Variants in ABI1 observed in about 807,000 individuals in gnomAD.
ABI1 encodes Abelson interactor 1.
In ABI1, 14 loss-of-function variants were observed where a neutral mutation model predicts 54.6. The observed-to-expected ratio is 0.26, with a 90% CI of 0.17 to 0.40. The LOEUF (loss-of-function observed/expected upper bound fraction) is 0.40. Among genes scored for constraint, ABI1 ranks in the 10% least tolerant of loss-of-function variants. The pLI, the probability that ABI1 is intolerant of heterozygous loss-of-function variation, is 1.00. For synonymous variants in ABI1, 194 were observed against 209.3 expected (o/e 0.93, Z 0.63); for missense variants, 443 against 598.3 (o/e 0.74, Z 2.71).
At chr10:26,785,038 T>C (rs1331450662) in intron 2 of ABI1, among the ~76,000 whole-genome samples, 2 of 152,200 alleles carry the variant, frequency 1.3e-5, no homozygotes, top group Non-Finnish European at 2.9e-5. Context: ...GGGAGCATAA[T>C]TGAAGTCAAT....
chr10:26,804,827 A>G (rs2046782641), intron 2 of ABI1, among the ~76,000 whole-genome samples: 1 of 152,208 alleles, frequency 6.6e-6, no homozygotes, highest in Non-Finnish European at 1.5e-5. Context: ...TTCTTTCCAT[A>G]TCCTTATCAA....
intron 1 of ABI1, among the ~76,000 whole-genome samples, chr10:26,852,148 G>A (rs10829114): frequency 0.26 from 39,075 of 151,892 alleles, 5,723 homozygotes; most frequent in South Asian, 0.44. Context: ...AAAATAAAAT[G>A]GCACCCATGT....
chr10:26,818,285 T>G (rs1425720555), intron 2 of ABI1, among the ~76,000 whole-genome samples: 1 of 151,314 alleles, frequency 6.6e-6, no homozygotes, highest in African/African-American at 2.4e-5. Context: ...GGAATTAATT[T>G]CCTCATATTA....
At chr10:26,800,929 C>T (rs1200621850) in intron 2 of ABI1, among the ~76,000 whole-genome samples, 2 of 152,228 alleles carry the variant, frequency 1.3e-5, no homozygotes, top group African/African-American at 4.8e-5. Flanking sequence ...TCACTTGAAC[C>T]CAGGAGGCAG....
intron 1 of ABI1, among the ~76,000 whole-genome samples, chr10:26,843,468 A>C (rs2049699405): frequency 1.2e-5 from 1 of 84,682 alleles, no homozygotes; most frequent in Non-Finnish European, 2.3e-5. Context: ...AAAAAAAAAA[A>C]AAAAAAAAAA....
At chr10:26,829,698 G>A (rs985650567) in intron 1 of ABI1, among the ~76,000 whole-genome samples, 1 of 151,888 alleles carries the variant, frequency 6.6e-6, no homozygotes, top group Non-Finnish European at 1.5e-5. Flanking sequence ...TAACTTCAAT[G>A]GAATGAAACA....
intron 2 of ABI1, among the ~76,000 whole-genome samples, chr10:26,808,350 C>T (rs548598713): frequency 6.6e-6 from 1 of 152,250 alleles, no homozygotes; most frequent in Non-Finnish European, 1.5e-5. Context: ...ATTCTCTATC[C>T]TAAAAATAAA....
chr10:26,787,595 C>T (rs1842866871), intron 2 of ABI1, among the ~76,000 whole-genome samples: 2 of 147,828 alleles, frequency 1.4e-5, no homozygotes, highest in Non-Finnish European at 2.9e-5. Context: ...AAAAAGGGAA[C>T]AGGTTTGGAA....
At chr10:26,839,651 TAA>T (rs1554831131) in intron 1 of ABI1, 1,646 of 520,752 alleles carry the variant, frequency 3.2e-3, no homozygotes, top group South Asian at 4.9e-3. Context: ...TACTTCTGTT[TAA>T]AAAAAAAAAA....
chr10:26,827,750 G>A (rs1471646819), intron 1 of ABI1, among the ~76,000 whole-genome samples: 5 of 152,038 alleles, frequency 3.3e-5, no homozygotes, highest in African/African-American at 7.2e-5. Context: ...AAGCCACCAT[G>A]CCCAGGTATT....
intron 1 of ABI1, among the ~76,000 whole-genome samples, chr10:26,843,150 T>G (rs770628246): frequency 6.6e-6 from 1 of 151,810 alleles, no homozygotes; most frequent in Non-Finnish European, 1.5e-5. Flanking sequence ...ATAGTATCCA[T>G]AGGTCAAAAT....
intron 4 of ABI1, chr10:26,770,680 A>G (rs1324636): frequency 1.6e-4 from 90 of 550,730 alleles, no homozygotes; most frequent in African/African-American, 1.6e-3. Flanking sequence ...GCATGAACAC[A>G]AACTATAGAT....
At chr10:26,851,374 T>TTTTTTTTTTTAA (rs2050377909) in intron 1 of ABI1, among the ~76,000 whole-genome samples, 1 of 145,198 alleles carries the variant, frequency 6.9e-6, no homozygotes, top group Non-Finnish European at 1.5e-5. Context: ...TTTTTTTTTT[T>TTTTTTTTTTTAA]GAGACAGGGT....
intron 1 of ABI1, among the ~76,000 whole-genome samples, chr10:26,852,762 T>C (rs1414645843): frequency 2.0e-5 from 3 of 151,994 alleles, no homozygotes; most frequent in Non-Finnish European, 2.9e-5. Flanking sequence ...TAAATTGAAG[T>C]TTTTCAAAAA....
chr10:26,765,462 C>G, intron 6 of ABI1, 144 bp from the exon 7 acceptor site: 1 of 640,282 alleles, frequency 1.6e-6, no homozygotes, highest in Non-Finnish European at 2.6e-6. Context: ...TCAAGAGCCC[C>G]CTTGGATACC....
At chr10:26,813,511 C>G (rs560800025) in intron 2 of ABI1, among the ~76,000 whole-genome samples, 1 of 152,120 alleles carries the variant, frequency 6.6e-6, no homozygotes, top group Admixed American at 6.5e-5. Context: ...ATATAATATT[C>G]GCAATACATA....
chr10:26,809,327 A>G (rs956064774), intron 2 of ABI1, among the ~76,000 whole-genome samples: 5 of 151,924 alleles, frequency 3.3e-5, no homozygotes, highest in African/African-American at 9.7e-5. Flanking sequence ...GGACACCAAG[A>G]TAGAAGGATC....
At chr10:26,821,163 T>C (rs1345727382) in intron 2 of ABI1, among the ~76,000 whole-genome samples, 3 of 147,600 alleles carry the variant, frequency 2.0e-5, no homozygotes, top group African/African-American at 7.5e-5. Flanking sequence ...AAGAAAGGCT[T>C]GAACCTGAAA....
chr10:26,779,012 C>T (rs1268149205), intron 2 of ABI1, among the ~76,000 whole-genome samples: 1 of 152,132 alleles, frequency 6.6e-6, no homozygotes, highest in Non-Finnish European at 1.5e-5. Flanking sequence ...GTAATGATGT[C>T]CTTTGTCTCT....
Sources: allele counts gnomAD v4.1 joint callset (sites outside exome capture counted in the v4.1 genomes callset), GRCh38; gene constraint gnomAD v4.1.1; transcripts MANE v1.5; gene names NCBI Gene and HGNC (gene_info 2026-07-23, HGNC 2026-07-21).